CELF4: variants seen among roughly 807,000 people sequenced by gnomAD.
CELF4 encodes the protein CUGBP Elav-like family member 4, also known as CUG-BP- and ETR-3-like factor 4.
Under a neutral mutation model 59.9 loss-of-function variants are expected in CELF4, and 18 were observed. That is an observed-to-expected ratio of 0.30 (90% confidence interval 0.21 to 0.45). The LOEUF is 0.45. Ranked by LOEUF, CELF4 falls within the 20% of genes least tolerant of loss-of-function variation. The pLI, the probability that CELF4 is intolerant of heterozygous loss-of-function variation, is 1.00. For missense variants in CELF4, 456 were observed against 689.0 expected, an observed-to-expected ratio of 0.66 and a Z score of 3.79; for synonymous variants, 261 against 267.1, an observed-to-expected ratio of 0.98 and a Z score of 0.22.
At chr18:37,271,253 CCT>C (rs1491225712) in intron 7 of CELF4, among the ~76,000 whole-genome samples, 1 of 139,182 alleles carries the variant, frequency 7.2e-6, no homozygotes, top group African/African-American at 2.8e-5. Flanking sequence ...TTCCTTCAGT[CCT>C]TTTTTTTTTT....
At position 37,383,053 on chromosome 18, in the gene CELF4, T is replaced by C. The variant is rs540787084; in HGVS notation, c.370-61172A>G. Among the ~76,000 whole-genome samples, 38 of 151,462 alleles carry C rather than the reference T, an allele frequency of 2.5e-4. No individual in the cohort carries two copies. The South Asian group carries it at 7.3e-3, about 29-fold the overall frequency. ...ATGTATGTATGTATGTATGTATGTA[T>C]GTATGTATTATTTTTTGTAGAGATA... On this transcript the variant is annotated intron_variant, in intron 2 of 12. Transcript: ENST00000420428.
chr18:37,333,303 G>A (rs1226218741), intron 2 of CELF4, among the ~76,000 whole-genome samples: 1 of 151,798 alleles, frequency 6.6e-6, no homozygotes, highest in Admixed American at 6.6e-5. Flanking sequence ...GGAAACAAGC[G>A]ACAGCTACCC....
chr18:37,331,071 T>C (rs549933948), intron 2 of CELF4, among the ~76,000 whole-genome samples: 4 of 152,312 alleles, frequency 2.6e-5, no homozygotes, highest in African/African-American at 7.2e-5. Flanking sequence ...CATCTGATGC[T>C]TGTTGGGTCA....
At chr18:37,553,822 T>C (rs918259356) in intron 1 of CELF4, among the ~76,000 whole-genome samples, 13 of 152,078 alleles carry the variant, frequency 8.5e-5, no homozygotes, top group Non-Finnish European at 1.6e-4. Flanking sequence ...TTGGAGCTCC[T>C]GGGGTGAGGC....
chr18:37,396,469 C>A (rs1284024035), intron 2 of CELF4, among the ~76,000 whole-genome samples: 1 of 152,182 alleles, frequency 6.6e-6, no homozygotes, highest in Non-Finnish European at 1.5e-5. Flanking sequence ...TAAAAACAGA[C>A]AAACAGAAAC....
chr18:37,531,585 C>G (rs1289557091), intron 1 of CELF4, among the ~76,000 whole-genome samples: 3 of 152,142 alleles, frequency 2.0e-5, no homozygotes, highest in African/African-American at 4.8e-5. Flanking sequence ...TATTTAATAA[C>G]AGCAGTTTGT....
rs1044157773 is a variant in CELF4, at chr18:37,353,237, T to A, written c.370-31356A>T. Among the ~76,000 whole-genome samples the A allele has an allele frequency of 1.3e-3, 141 of 111,400 alleles. 1 individual carries two copies. Among genetic ancestry groups the A allele is most frequent in the East Asian group, 6.2e-3 (16 of 2,600 alleles). The allele number at this position is 111,400 out of a possible 152,430, so 73.1% of individuals were successfully genotyped here. A position where few individuals can be genotyped will look rare whatever the true frequency, so the allele number is the denominator to read the frequency against. On this transcript the variant is annotated intron_variant, in intron 2 of 12. Transcript: ENST00000420428. Reference sequence around the variant, plus strand: ...CTCCGTCTCAAAAAAAAAAAAAATATATATATATATATACATAAAAGACCC... The same window carrying A: ...CTCCGTCTCAAAAAAAAAAAAAATAAATATATATATATACATAAAAGACCC...
At chr18:37,297,990 C>T (rs980609221) in intron 3 of CELF4, among the ~76,000 whole-genome samples, 3 of 152,330 alleles carry the variant, frequency 2.0e-5, no homozygotes, top group South Asian at 2.1e-4. Flanking sequence ...GCGCAGCCAC[C>T]AATGGTGCAC....
At chr18:37,433,457 G>T (rs1235935531) in intron 2 of CELF4, among the ~76,000 whole-genome samples, 2 of 152,154 alleles carry the variant, frequency 1.3e-5, no homozygotes, top group Non-Finnish European at 2.9e-5. Flanking sequence ...GTTGCTTGAG[G>T]ACAAGGATTT....
chr18:37,338,041 GTTACC>G (rs2097842252), intron 2 of CELF4, among the ~76,000 whole-genome samples: 1 of 146,002 alleles, frequency 6.8e-6, no homozygotes, highest in Admixed American at 6.8e-5. Flanking sequence ...GCCACCATCT[GTTACC>G]TTAACCTTGT....
chr18:37,544,392 C>T (rs1427253649), intron 1 of CELF4, among the ~76,000 whole-genome samples: 7 of 152,204 alleles, frequency 4.6e-5, no homozygotes, highest in Non-Finnish European at 1.0e-4. Flanking sequence ...CAGTGCTATG[C>T]ATTGCATGGC....
chr18:37,266,420 T>C, intron 9 of CELF4, 113 bp downstream of exon 9: 2 of 1,101,918 alleles, frequency 1.8e-6, no homozygotes, highest in Non-Finnish European at 2.7e-6. Flanking sequence ...CTTTCCACTC[T>C]CTCTCCCCAC....
At chr18:37,279,870 C>T (rs2093902167) in intron 3 of CELF4, among the ~76,000 whole-genome samples, 1 of 152,200 alleles carries the variant, frequency 6.6e-6, no homozygotes, top group South Asian at 2.1e-4. Context: ...CAGGAGGTTG[C>T]CCATAGCTGG....
intron 3 of CELF4, among the ~76,000 whole-genome samples, chr18:37,310,881 C>G (rs2096621799): frequency 6.6e-6 from 1 of 152,160 alleles, no homozygotes; most frequent in South Asian, 2.1e-4. Flanking sequence ...AAGTGGGGGT[C>G]TCTCTCCTCC....
At chr18:37,359,711 G>A (rs1040103343) in intron 2 of CELF4, among the ~76,000 whole-genome samples, 8 of 152,166 alleles carry the variant, frequency 5.3e-5, no homozygotes, top group Admixed American at 4.6e-4. Context: ...AACATGCCCA[G>A]CTAATTTTTG....
At chr18:37,500,690 T>C (rs1023285408) in intron 1 of CELF4, among the ~76,000 whole-genome samples, 7 of 151,942 alleles carry the variant, frequency 4.6e-5, no homozygotes, top group African/African-American at 1.4e-4. Flanking sequence ...CCTGCCACCA[T>C]GCCTGGCTAA....
At chr18:37,433,678 AGCTCCCTGT>A (rs1488055544) in intron 2 of CELF4, among the ~76,000 whole-genome samples, 1 of 152,176 alleles carries the variant, frequency 6.6e-6, no homozygotes, top group African/African-American at 2.4e-5. Flanking sequence ...GCAAGTGAGG[AGCTCCCTGT>A]GGGGAGGAGT....
downstream of CELF4, chr18:37,242,980 C>G (rs114866278): frequency 2.0e-5 from 3 of 152,180 alleles, no homozygotes; most frequent in Admixed American, 2.0e-4. Context: ...AGTGGGCAAG[C>G]CTTGGGGCTG....
chr18:37,392,764 C>A lies in CELF4; in HGVS notation c.370-70883G>T, dbSNP rs1035246525. ...GAAACTAGCCTGTTGTGCTACTGAG[C>A]ATGCTTCAGTGGTCCCTCAGGTCTC... On this transcript the variant is annotated intron_variant, in intron 2 of 12. Coordinates refer to ENST00000420428, the MANE Select transcript of CELF4 (RefSeq NM_020180.4). Among the ~76,000 whole-genome samples, 4 of 152,246 alleles carry A rather than the reference C, an allele frequency of 2.6e-5. No homozygotes were observed. The South Asian group carries it at 8.3e-4, about 31-fold the overall frequency.
Sources: gnomAD v4.1 joint callset for allele counts (sites outside exome capture counted in the v4.1 genomes callset) on GRCh38, gnomAD v4.1.1 for gene constraint, MANE v1.5 for transcripts, NCBI Gene and HGNC (gene_info 2026-07-23, HGNC 2026-07-21) for gene names.